The following MCHR2 variants were observed in gnomAD, a reference collection of about 807,000 sequenced individuals.
The protein encoded by MCHR2 is melanin-concentrating hormone receptor 2.
A neutral mutation model predicts 24.8 loss-of-function variants in MCHR2; 15 were observed. That is an observed-to-expected ratio of 0.60 (90% CI 0.40 to 0.93). MCHR2 has a LOEUF of 0.93. Among genes scored for constraint, MCHR2 ranks in the 40% least tolerant of loss-of-function variants. The pLI is 0.00. For missense variants in MCHR2, 386 were observed against 408.7 expected (o/e 0.94, Z 0.48); for synonymous variants, 151 against 147.6 (o/e 1.02, Z -0.17).
chr6:99,984,789 C>T (rs936737373), intron 1 of MCHR2, among the ~76,000 whole-genome samples: 1 of 152,096 alleles, frequency 6.6e-6, no homozygotes, highest in Non-Finnish European at 1.5e-5. Flanking sequence ...CCCACTTTCA[C>T]CACTACTATT....
At chr6:99,930,566 C>CT (rs1281505175) in intron 5 of MCHR2, among the ~76,000 whole-genome samples, 4 of 151,866 alleles carry the variant, frequency 2.6e-5, no homozygotes, top group Non-Finnish European at 5.9e-5. Context: ...CTAAACTTCC[C>CT]TTTTGCTTCA....
chr6:99,993,849 C>T (rs1473726326), intron 1 of MCHR2, 87 bp downstream of exon 1: 2 of 152,000 alleles, frequency 1.3e-5, no homozygotes, highest in African/African-American at 4.8e-5. Flanking sequence ...GACCAGGCGC[C>T]AGACCTTCCC....
intron 4 of MCHR2, among the ~76,000 whole-genome samples, chr6:99,942,545 G>A (rs1774791886): frequency 1.3e-5 from 2 of 152,118 alleles, no homozygotes; most frequent in South Asian, 4.1e-4. Context: ...CAGGTATGGG[G>A]AGCTGGTGTA....
intron 2 of MCHR2, among the ~76,000 whole-genome samples, chr6:99,952,463 T>A (rs1192220134): frequency 6.6e-6 from 1 of 152,180 alleles, no homozygotes; most frequent in Non-Finnish European, 1.5e-5. Flanking sequence ...GACTTTTAGT[T>A]CTATTGATGA....
At chr6:99,965,235 T>A (rs1775274073) in intron 1 of MCHR2, among the ~76,000 whole-genome samples, 1 of 152,222 alleles carries the variant, frequency 6.6e-6, no homozygotes, top group South Asian at 2.1e-4. Context: ...GTTCTCTTCT[T>A]TATTAATGCT....
intron 5 of MCHR2, among the ~76,000 whole-genome samples, chr6:99,923,507 G>A (rs1245530997): frequency 6.6e-6 from 1 of 152,048 alleles, no homozygotes; most frequent in Non-Finnish European, 1.5e-5. Context: ...TCCCCATTCA[G>A]TATGATGCTA....
intron 1 of MCHR2, among the ~76,000 whole-genome samples, chr6:99,986,191 G>A (rs568388984): frequency 6.6e-6 from 1 of 152,200 alleles, no homozygotes; most frequent in African/African-American, 2.4e-5. Flanking sequence ...TGGGAAGGAT[G>A]CAGAGAAAAG....
intron 2 of MCHR2, among the ~76,000 whole-genome samples, chr6:99,950,686 T>TA (rs1774949017): frequency 6.6e-6 from 1 of 152,170 alleles, no homozygotes; most frequent in Non-Finnish European, 1.5e-5. Flanking sequence ...AAACATTTGT[T>TA]AAAAAATTTG....
intron 1 of MCHR2, among the ~76,000 whole-genome samples, chr6:99,975,901 T>C (rs1433670167): frequency 6.6e-6 from 1 of 152,212 alleles, no homozygotes; most frequent in Non-Finnish European, 1.5e-5. Flanking sequence ...ATAGCATCCT[T>C]CATTTGAATT....
chr6:99,970,393 T>C (rs2114566687), intron 1 of MCHR2, among the ~76,000 whole-genome samples: 1 of 152,346 alleles, frequency 6.6e-6, no homozygotes, highest in South Asian at 2.1e-4. Flanking sequence ...CTTTGCCCAC[T>C]TTTTGATGGG....
At chr6:99,961,337 C>T (rs945633993) in intron 1 of MCHR2, among the ~76,000 whole-genome samples, 1 of 151,948 alleles carries the variant, frequency 6.6e-6, no homozygotes, top group Non-Finnish European at 1.5e-5. Flanking sequence ...TACCATTTGA[C>T]CCAGCGATCC....
At chr6:99,957,617 G>T (rs1775090522) in intron 1 of MCHR2, among the ~76,000 whole-genome samples, 1 of 152,038 alleles carries the variant, frequency 6.6e-6, no homozygotes, top group African/African-American at 2.4e-5. Flanking sequence ...GAGTAAGAAA[G>T]TCTCAGAGTT....
At chr6:99,983,442 A>T (rs1392098466) in intron 1 of MCHR2, among the ~76,000 whole-genome samples, 1 of 152,192 alleles carries the variant, frequency 6.6e-6, no homozygotes, top group Admixed American at 6.5e-5. Context: ...GGCCCTATAC[A>T]TACTATTTTT....
chr6:99,955,723 A>G (rs1265083033), intron 2 of MCHR2, among the ~76,000 whole-genome samples: 2 of 152,062 alleles, frequency 1.3e-5, no homozygotes, highest in African/African-American at 4.8e-5. Context: ...ATTTCCCTAA[A>G]AACTCACTGA....
intron 5 of MCHR2, among the ~76,000 whole-genome samples, chr6:99,928,627 A>C (rs557737886): frequency 6.6e-6 from 1 of 152,224 alleles, no homozygotes; most frequent in African/African-American, 2.4e-5. Flanking sequence ...ATTTGCGTAG[A>C]GGTGTTGGTA....
At chr6:99,962,301 G>C (rs1775204127) in intron 1 of MCHR2, among the ~76,000 whole-genome samples, 1 of 152,158 alleles carries the variant, frequency 6.6e-6, no homozygotes, top group Non-Finnish European at 1.5e-5. Flanking sequence ...TAGATAGCAT[G>C]AGATTTCACC....
intron 1 of MCHR2, among the ~76,000 whole-genome samples, chr6:99,984,381 G>T: frequency 2.0e-5 from 3 of 151,442 alleles, no homozygotes; most frequent in African/African-American, 4.8e-5. Context: ...TTTAGCATTA[G>T]GTATATCTCC....
intron 5 of MCHR2, among the ~76,000 whole-genome samples, chr6:99,927,444 G>C (rs947492574): frequency 3.3e-5 from 5 of 152,144 alleles, no homozygotes; most frequent in Non-Finnish European, 7.4e-5. Flanking sequence ...CCATTTTCAT[G>C]ATGTTGATTC....
In MCHR2 at chr6:99,955,970, T is replaced by G. The variant is rs760502543; in HGVS notation, c.178A>C (p.Ile60Leu). 1.3e-6 allele frequency: 2 copies of G among 1,584,980 alleles called. No homozygotes were observed. Among genetic ancestry groups the G allele is most frequent in the Middle Eastern group, 1.7e-4 (1 of 5,890 alleles). ...VGNILIVFTI[I>L]RSRKKTVPDI... ...AAAAAAGGAGCCATTCCTTACCTTA[T>G]TATAGTGAATACAATGAGGATGTTG... The change falls in exon 2 of 6, where the codon ATA (isoleucine) becomes CTA (leucine). Residue 60 changes from isoleucine (I) to leucine (L), a missense_variant. Ile to Leu is a conservative substitution (Grantham distance 5, BLOSUM62 2). Coordinates refer to ENST00000281806, the MANE Select transcript of MCHR2 (RefSeq NM_001040179.2).
Sources: gnomAD v4.1 joint callset for allele counts (sites outside exome capture counted in the v4.1 genomes callset) on GRCh38, gnomAD v4.1.1 for gene constraint, MANE v1.5 for transcripts, NCBI Gene and HGNC (gene_info 2026-07-23, HGNC 2026-07-21) for gene names.